NALCN: variants seen among roughly 807,000 people sequenced by gnomAD.
NALCN encodes the protein sodium leak channel, non-selective.
In NALCN, 111 loss-of-function variants were observed where a neutral mutation model predicts 225.3. The observed-to-expected ratio is 0.49, with a 90% CI of 0.42 to 0.58. The LOEUF is 0.58. Among genes scored for constraint, NALCN ranks in the 20% least tolerant of loss-of-function variants. NALCN has a pLI of 0.00. For missense variants in NALCN, 1,378 were observed against 2,202.4 expected, an observed-to-expected ratio of 0.63 and a Z score of 7.49; for synonymous variants, 764 against 769.0, an observed-to-expected ratio of 0.99 and a Z score of 0.11.
intron 15 of NALCN, among the ~76,000 whole-genome samples, chr13:101,163,744 G>A (rs1413842892): frequency 6.6e-6 from 1 of 152,074 alleles, no homozygotes; most frequent in Non-Finnish European, 1.5e-5. Flanking sequence ...GGCTCTGGAG[G>A]TGTGTTAGTT....
At chr13:101,256,190 T>C (rs2042223155) in intron 11 of NALCN, among the ~76,000 whole-genome samples, 1 of 152,230 alleles carries the variant, frequency 6.6e-6, no homozygotes, top group Non-Finnish European at 1.5e-5. Context: ...CCTGGAATTG[T>C]AAAATCCTGG....
At chr13:101,296,649 G>T (rs2043767007) in intron 7 of NALCN, among the ~76,000 whole-genome samples, 1 of 152,160 alleles carries the variant, frequency 6.6e-6, no homozygotes, top group Admixed American at 6.5e-5. Context: ...GAAAAATGAT[G>T]CTACAACAGC....
Position 101,128,924 on chromosome 13 carries a change from C to A in NALCN, c.2119-4243G>T, listed in dbSNP as rs116012323. The stretch of plus-strand genomic sequence containing the variant: ...GGTACAGTTCAACACGTTCTTCTGT[C>A]TTCTATTTTCTGAAAATCGGCAGCT... On this transcript the variant is annotated intron_variant, in intron 17 of 43. Transcript: ENST00000251127. 3.3e-3 allele frequency among the ~76,000 whole-genome samples: 498 copies of A among 152,236 alleles called. 2 individuals carry two copies. The highest frequency in any genetic ancestry group is 0.012 in the African/African-American group (481 of 41,554).
intron 12 of NALCN, 149 bp downstream of exon 12, chr13:101,237,606 A>C (rs1036991752): frequency 5.7e-6 from 2 of 352,412 alleles, no homozygotes; most frequent in Non-Finnish European, 9.2e-6. Context: ...GTAAGATGTC[A>C]TTGTGCCTTT....
chr13:101,126,595 C>A (rs563898171), intron 17 of NALCN, among the ~76,000 whole-genome samples: 39 of 151,804 alleles, frequency 2.6e-4, no homozygotes, highest in Middle Eastern at 3.4e-3. Context: ...TGGGTTCAAG[C>A]GATTCTCCTG....
intron 1 of NALCN, among the ~76,000 whole-genome samples, chr13:101,414,425 G>A (rs1024430457): frequency 6.6e-6 from 1 of 152,118 alleles, no homozygotes; most frequent in African/African-American, 2.4e-5. Flanking sequence ...ATCCACATGT[G>A]ACTCTGACCT....
chr13:101,243,082 G>T lies in NALCN; in HGVS notation c.1267-5160C>A, dbSNP rs1462296228. Reference sequence around the variant, plus strand: ...AAAATTTAGTGAGCTCTTTCAGTTTGCAGATTTATGTTTTTTTTTTTTTTT... The same window carrying T: ...AAAATTTAGTGAGCTCTTTCAGTTTTCAGATTTATGTTTTTTTTTTTTTTT... On this transcript the variant is annotated intron_variant, in intron 11 of 43. Transcript: ENST00000251127. 3.0e-5 allele frequency among the ~76,000 whole-genome samples: 2 copies of T among 66,558 alleles called. 1 individual carries two copies. The highest frequency in any genetic ancestry group is 6.1e-5 in the Non-Finnish European group (2 of 33,018). The allele number at this position is 66,558 out of a possible 152,430, so 43.7% of individuals were successfully genotyped here. A position where few individuals can be genotyped will look rare whatever the true frequency, so the allele number is the denominator to read the frequency against.
At chr13:101,296,528 A>G (rs1195552560) in intron 7 of NALCN, among the ~76,000 whole-genome samples, 1 of 152,250 alleles carries the variant, frequency 6.6e-6, no homozygotes, top group African/African-American at 2.4e-5. Flanking sequence ...ATTTCTAGGA[A>G]GAACATTGAT....
At chr13:101,144,953 G>A (rs981272623) in intron 15 of NALCN, 57 bp from the exon 16 acceptor site, 39 of 1,498,020 alleles carry the variant, frequency 2.6e-5, no homozygotes, top group Non-Finnish European at 3.2e-5. Context: ...TATTATATAC[G>A]TTACACAAAA....
intron 22 of NALCN, among the ~76,000 whole-genome samples, chr13:101,106,998 G>A (rs1019395370): frequency 6.6e-6 from 1 of 152,102 alleles, no homozygotes; most frequent in African/African-American, 2.4e-5. Context: ...ATGTTGGTAG[G>A]GTAGAGACAG....
At chr13:101,092,785 A>G (rs2034304691) in intron 28 of NALCN, among the ~76,000 whole-genome samples, 1 of 152,150 alleles carries the variant, frequency 6.6e-6, no homozygotes, top group African/African-American at 2.4e-5. Flanking sequence ...TAGACCCTAT[A>G]AAACCTGATC....
intron 7 of NALCN, among the ~76,000 whole-genome samples, chr13:101,299,477 T>C (rs1351391608): frequency 6.6e-6 from 1 of 152,168 alleles, no homozygotes; most frequent in African/African-American, 2.4e-5. Flanking sequence ...CTTTCAGGTT[T>C]TTCTTCTGAA....
intron 7 of NALCN, among the ~76,000 whole-genome samples, chr13:101,338,186 A>T (rs2045443275): frequency 6.6e-6 from 1 of 152,212 alleles, no homozygotes; most frequent in African/African-American, 2.4e-5. Context: ...AGGCAAAGTG[A>T]TCCACCATAT....
In NALCN at chr13:101,074,510, C is replaced by G. The variant is rs201402954; in HGVS notation, c.4103+4G>C. The G allele has an allele frequency of 1.2e-3, 1,910 of 1,598,582 alleles. 3 individuals carry two copies. The highest frequency in any genetic ancestry group is 1.4e-3 in the Non-Finnish European group (1,607 of 1,175,596). Reference sequence around the variant, plus strand: ...AATGAATAGAAAGATAAGTATATACCAACCTGTTAATATTCTCCCCATATT... The same window carrying G: ...AATGAATAGAAAGATAAGTATATACGAACCTGTTAATATTCTCCCCATATT... On this transcript the variant is annotated splice_donor_region_variant and intron_variant, in intron 36 of 43. Coordinates refer to ENST00000251127, the MANE Select transcript of NALCN (RefSeq NM_052867.4).
At chr13:101,354,684 C>T (rs912256705) in intron 6 of NALCN, among the ~76,000 whole-genome samples, 1 of 152,164 alleles carries the variant, frequency 6.6e-6, no homozygotes, top group African/African-American at 2.4e-5. Flanking sequence ...ATTTATGAAA[C>T]TGTATTATAA....
At chr13:101,236,748 A>C (rs2041568671) in intron 12 of NALCN, among the ~76,000 whole-genome samples, 1 of 113,800 alleles carries the variant, frequency 8.8e-6, no homozygotes, top group African/African-American at 3.4e-5. Context: ...GGAACATCAC[A>C]CTCTGGGGCC....
chr13:101,123,612 T>C (rs1378064562), intron 18 of NALCN, among the ~76,000 whole-genome samples: 1 of 152,206 alleles, frequency 6.6e-6, no homozygotes, highest in African/African-American at 2.4e-5. Flanking sequence ...ATTTTCATCC[T>C]ATGACAGCTA....
chr13:101,216,915 C>G (rs2040757282), intron 13 of NALCN, among the ~76,000 whole-genome samples: 1 of 151,974 alleles, frequency 6.6e-6, no homozygotes, highest in African/African-American at 2.4e-5. Context: ...ATTAAGAAAA[C>G]CTATATCAAA....
chr13:101,175,575 T>A (rs9518333), intron 15 of NALCN, among the ~76,000 whole-genome samples: 1 of 151,954 alleles, frequency 6.6e-6, no homozygotes, highest in Non-Finnish European at 1.5e-5. Context: ...TTCTCTCAGT[T>A]TTGGGGAGGG....
Sources: allele counts gnomAD v4.1 joint callset (sites outside exome capture counted in the v4.1 genomes callset), GRCh38; gene constraint gnomAD v4.1.1; transcripts MANE v1.5; gene names NCBI Gene and HGNC (gene_info 2026-07-23, HGNC 2026-07-21).